The following SPRED2 variants were observed in gnomAD, a reference collection of about 807,000 sequenced individuals.
SPRED2 encodes the protein sprouty related EVH1 domain containing 2.
In SPRED2, 47 loss-of-function variants were observed where a neutral mutation model predicts 43.0. That is an observed-to-expected ratio of 1.09 (90% CI 0.87 to 1.40). The LOEUF (loss-of-function observed/expected upper bound fraction) is 1.40. SPRED2 is among the 40% of genes most tolerant of loss of function. The pLI is 0.00. For synonymous variants in SPRED2, 225 were observed against 225.7 expected, an observed-to-expected ratio of 1.00 and a Z score of 0.03; for missense variants, 561 against 586.4, an observed-to-expected ratio of 0.96 and a Z score of 0.45.
At chr2:65,404,396 G>C (rs1002374729) in intron 1 of SPRED2, among the ~76,000 whole-genome samples, 2 of 152,066 alleles carry the variant, frequency 1.3e-5, no homozygotes, top group African/African-American at 2.4e-5. Flanking sequence ...AGATATAAGC[G>C]CAAGTATATA....
At chr2:65,323,852 G>C (rs546291706) in intron 4 of SPRED2, among the ~76,000 whole-genome samples, 2 of 152,118 alleles carry the variant, frequency 1.3e-5, no homozygotes, top group African/African-American at 4.8e-5. Flanking sequence ...CTCCAGCCTG[G>C]GCGACAGAGC....
At chr2:65,326,874 TC>T (rs1269512531) in intron 4 of SPRED2, among the ~76,000 whole-genome samples, 4 of 152,156 alleles carry the variant, frequency 2.6e-5, no homozygotes, top group Admixed American at 6.5e-5. Context: ...AGGGTCTTGC[TC>T]TATTGCCCAG....
chr2:65,390,079 A>G (rs1405395735), intron 1 of SPRED2, among the ~76,000 whole-genome samples: 1 of 152,240 alleles, frequency 6.6e-6, no homozygotes, highest in African/African-American at 2.4e-5. Context: ...CGCAGAGACC[A>G]GAACCCTCAC....
chr2:65,427,675 C>G (rs2103816799), intron 1 of SPRED2, among the ~76,000 whole-genome samples: 1 of 152,346 alleles, frequency 6.6e-6, no homozygotes, highest in South Asian at 2.1e-4. Flanking sequence ...TCATGCTTCA[C>G]AGCATTTTCT....
intron 4 of SPRED2, among the ~76,000 whole-genome samples, chr2:65,317,161 G>C (rs1005357822): frequency 6.6e-6 from 1 of 152,078 alleles, no homozygotes; most frequent in African/African-American, 2.4e-5. Context: ...GACTGGGTGC[G>C]GGGGGAAAGG....
At chr2:65,344,385 C>T (rs1004555300) in intron 2 of SPRED2, 11 of 391,974 alleles carry the variant, frequency 2.8e-5, no homozygotes, top group Middle Eastern at 8.1e-4. Context: ...CTTCACAGCT[C>T]AGTACAATGT....
intron 5 of SPRED2, 34 bp from the exon 6 acceptor site, chr2:65,314,203 C>G: frequency 6.5e-7 from 1 of 1,530,678 alleles, no homozygotes; most frequent in Non-Finnish European, 8.8e-7. Flanking sequence ...TATTTTACAG[C>G]AGCGGCCAAA....
chr2:65,431,581 T>C (rs1276705717), intron 1 of SPRED2, among the ~76,000 whole-genome samples: 1 of 152,088 alleles, frequency 6.6e-6, no homozygotes, highest in African/African-American at 2.4e-5. Context: ...ACAAAGTCAC[T>C]GTGCAAAAAC....
At position 65,388,383 on chromosome 2, in the gene SPRED2, T is replaced by C. The variant is rs571973036; in HGVS notation, c.27-43487A>G. On this transcript the variant is annotated intron_variant, in intron 1 of 5. Coordinates refer to ENST00000356388, the MANE Select transcript of SPRED2 (RefSeq NM_181784.3). ...GAGGTCATGCCAGCCCTAGGCGGCA[T>C]GTGGGCAGGGCCGCCCTGCCTGCCC... 1.5e-3 allele frequency among the ~76,000 whole-genome samples: 231 copies of C among 152,270 alleles called. 1 individual carries two copies. Among genetic ancestry groups the C allele is most frequent in the Non-Finnish European group, 2.5e-3 (167 of 68,014 alleles).
intron 1 of SPRED2, among the ~76,000 whole-genome samples, chr2:65,423,314 G>A (rs1211560781): frequency 6.6e-6 from 1 of 152,162 alleles, no homozygotes; most frequent in Admixed American, 6.5e-5. Flanking sequence ...GGATGGCAGG[G>A]GAGCCAAGGA....
intron 1 of SPRED2, among the ~76,000 whole-genome samples, chr2:65,363,282 C>T (rs544620736): frequency 8.0e-5 from 12 of 150,792 alleles, no homozygotes; most frequent in African/African-American, 2.7e-4. Flanking sequence ...GGAATGCGCA[C>T]GGTTTCCACA....
intron 1 of SPRED2, among the ~76,000 whole-genome samples, chr2:65,376,718 C>G (rs1176738397): frequency 6.6e-6 from 1 of 152,038 alleles, no homozygotes. Context: ...CACAGTCTTT[C>G]CATATTTTTT....
chr2:65,360,033 C>A (rs1381211745), intron 1 of SPRED2, among the ~76,000 whole-genome samples: 1 of 144,124 alleles, frequency 6.9e-6, no homozygotes, highest in Non-Finnish European at 1.5e-5. Flanking sequence ...TCACTGCACT[C>A]CAACCTGGGC....
At chr2:65,431,910 C>T in intron 1 of SPRED2, 52 bp downstream of exon 1, 1 of 1,608,154 alleles carries the variant, frequency 6.2e-7, no homozygotes, top group African/African-American at 1.3e-5. Context: ...CAGCCCCGGC[C>T]CCCACGCTGC....
rs899104799 is a variant in SPRED2 at position 65,340,745 on chromosome 2, T to C, written c.204+3974A>G. Among the ~76,000 whole-genome samples, 10 of 152,210 alleles carry C rather than the reference T, an allele frequency of 6.6e-5. No homozygotes were observed. In the East Asian group the frequency reaches 1.9e-3, roughly 29 times the overall value. On this transcript the variant is annotated intron_variant, in intron 2 of 5. Coordinates refer to ENST00000356388, the MANE Select transcript of SPRED2 (RefSeq NM_181784.3). Reference sequence around the variant, plus strand: ...TATGTAACGAAACAAACTCCCACAATGTGCTGAATTCTAGATGTGCACTAC... The same window carrying C: ...TATGTAACGAAACAAACTCCCACAACGTGCTGAATTCTAGATGTGCACTAC...
At chr2:65,399,791 A>G (rs933974796) in intron 1 of SPRED2, among the ~76,000 whole-genome samples, 1 of 152,206 alleles carries the variant, frequency 6.6e-6, no homozygotes, top group Admixed American at 6.5e-5. Context: ...AGGCATAAGA[A>G]TCATACATTG....
chr2:65,352,725 G>GC (rs1674545870), intron 1 of SPRED2, among the ~76,000 whole-genome samples: 1 of 152,200 alleles, frequency 6.6e-6, no homozygotes, highest in Non-Finnish European at 1.5e-5. Flanking sequence ...CCAGATTTGA[G>GC]CAATTCTCCT....
At chr2:65,322,727 G>A (rs2104156713) in intron 4 of SPRED2, among the ~76,000 whole-genome samples, 1 of 152,242 alleles carries the variant, frequency 6.6e-6, no homozygotes, top group African/African-American at 2.4e-5. Context: ...TACTTCTAAT[G>A]AATTTCTATT....
rs866044567 is a variant in SPRED2, at chr2:65,399,143, G to T, written c.26+32819C>A. Among the ~76,000 whole-genome samples the T allele has an allele frequency of 4.0e-5, 6 of 151,600 alleles. No homozygotes were observed. The South Asian group carries it at 1.3e-3, about 32-fold the overall frequency. On this transcript the variant is annotated intron_variant, in intron 1 of 5. Transcript: ENST00000356388. Reference sequence around the variant, plus strand: ...AAATAAGCCGGGTGTGGTGGCGGGCGCCTGTAGTCCCAGCTACTTGGGAGG... The same window carrying T: ...AAATAAGCCGGGTGTGGTGGCGGGCTCCTGTAGTCCCAGCTACTTGGGAGG...
Sources: allele counts gnomAD v4.1 joint callset (sites outside exome capture counted in the v4.1 genomes callset), GRCh38; gene constraint gnomAD v4.1.1; transcripts MANE v1.5; gene names NCBI Gene and HGNC (gene_info 2026-07-23, HGNC 2026-07-21).